Variants in NDEL1 observed in about 807,000 individuals in gnomAD.
The protein encoded by NDEL1 is nuclear distribution protein nudE-like 1.
NDEL1 carries 9 observed loss-of-function variants against 45.7 expected under a neutral mutation model. The ratio of observed to expected loss-of-function variants is 0.20; its 90% CI spans 0.12 to 0.34. The LOEUF is 0.34. Among genes scored for constraint, NDEL1 ranks in the 10% least tolerant of loss-of-function variants. NDEL1 has a pLI of 1.00. For synonymous variants in NDEL1, 133 were observed against 158.6 expected (o/e 0.84, Z 1.21); for missense variants, 306 against 406.2 (o/e 0.75, Z 2.12).
chr17:8,415,687 C>T (rs765668048), intron 1 of NDEL1, among the ~76,000 whole-genome samples: 10 of 151,962 alleles, frequency 6.6e-5, no homozygotes, highest in African/African-American at 1.7e-4. Context: ...GGTCTCCCAG[C>T]GCTGGGATTA....
intron 5 of NDEL1, among the ~76,000 whole-genome samples, chr17:8,449,084 A>G (rs1567734160): frequency 6.6e-6 from 1 of 152,140 alleles, no homozygotes; most frequent in African/African-American, 2.4e-5. Context: ...CTGGGTTCAA[A>G]CAATTCTCCT....
Position 8,446,807 on chromosome 17 carries a change from A to G in NDEL1, c.294A>G (p.Glu98=), listed in dbSNP as rs571525957. Residue 98 remains glutamate, a synonymous_variant, in exon 4 of 9, where the codon GAA becomes GAG. Transcript: ENST00000334527. ...GCTATAAGCAGGTCTCAGTGTTAGA[A>G]GATGATTTAAGTCAGACTCGGGCCA... ...AQSYKQVSVL[E]DDLSQTRAIK... The G allele has an allele frequency of 5.6e-6, 9 of 1,614,206 alleles. No individual in the cohort carries two copies. In the Middle Eastern group the frequency reaches 6.6e-4, roughly 118 times the overall value.
intron 1 of NDEL1, among the ~76,000 whole-genome samples, chr17:8,441,376 C>T (rs1032345999): frequency 1.3e-5 from 2 of 152,140 alleles, no homozygotes; most frequent in African/African-American, 2.4e-5. Flanking sequence ...CAATTTTGTT[C>T]GCCAAATCCT....
In NDEL1 at chr17:8,428,957, G is replaced by C. The variant is rs113453952; in HGVS notation, c.-12-15303G>C. Reference sequence around the variant, plus strand: ...CAAAGTGCTGGGATTACAGGCATGAGCCACCGCGCCCGGCCTATTTTTAAG... The same window carrying C: ...CAAAGTGCTGGGATTACAGGCATGACCCACCGCGCCCGGCCTATTTTTAAG... On this transcript the variant is annotated intron_variant, in intron 1 of 4. Coordinates refer to the NDEL1 transcript ENST00000582812. Among the ~76,000 whole-genome samples, 353 of 152,342 alleles carry C rather than the reference G, an allele frequency of 2.3e-3. 1 individual carries two copies. Among genetic ancestry groups the C allele is most frequent in the African/African-American group, 7.9e-3 (329 of 41,570 alleles).
At chr17:8,419,989 G>C (rs766250087) in intron 1 of NDEL1, among the ~76,000 whole-genome samples, 1 of 152,178 alleles carries the variant, frequency 6.6e-6, no homozygotes, top group Non-Finnish European at 1.5e-5. Flanking sequence ...ACACAGACTG[G>C]TCTAAGAGCT....
At chr17:8,432,361 TA>T (rs376259955), upstream of NDEL1, among the ~76,000 whole-genome samples, 3 of 109,478 alleles carry the variant, frequency 2.7e-5, no homozygotes, top group African/African-American at 4.0e-5. Flanking sequence ...TAAATATAAA[TA>T]TATATATATT....
intron 1 of NDEL1, among the ~76,000 whole-genome samples, chr17:8,413,568 T>A (rs183481469): frequency 1.2e-3 from 182 of 152,306 alleles, no homozygotes; most frequent in African/African-American, 4.0e-3. Flanking sequence ...CCACATAGCA[T>A]TTTTCTGGGT....
intron 3 of NDEL1, 87 bp downstream of exon 3, chr17:8,445,951 G>A (rs1208136761): frequency 5.6e-6 from 7 of 1,257,536 alleles, no homozygotes; most frequent in Non-Finnish European, 6.2e-6. Context: ...AGAGCAGCTG[G>A]CGACAAAAAA....
intron 1 of NDEL1, among the ~76,000 whole-genome samples, chr17:8,416,982 C>T (rs1044375184): frequency 5.3e-5 from 8 of 152,072 alleles, no homozygotes; most frequent in Admixed American, 2.0e-4. Flanking sequence ...TTTTTTGAAG[C>T]CCCGTGTTCT....
chr17:8,457,480 C>T (rs1910918572), intron 7 of NDEL1, among the ~76,000 whole-genome samples: 1 of 152,218 alleles, frequency 6.6e-6, no homozygotes, highest in Admixed American at 6.5e-5. Context: ...ATAACGACCT[C>T]CAAAAGTCAT....
At chr17:8,435,780 T>C, upstream of NDEL1, 3 of 356,938 alleles carry the variant, frequency 8.4e-6, no homozygotes, top group Admixed American at 3.3e-5. Context: ...GCCCGCCCCC[T>C]GTGACACCAG....
At chr17:8,429,129 A>T (rs1452424068) in intron 1 of NDEL1, among the ~76,000 whole-genome samples, 1 of 152,240 alleles carries the variant, frequency 6.6e-6, no homozygotes, top group Non-Finnish European at 1.5e-5. Flanking sequence ...GTTCCTTTGT[A>T]ACCTATATCA....
chr17:8,452,892 A>G (rs1676623433), intron 6 of NDEL1, among the ~76,000 whole-genome samples: 1 of 151,366 alleles, frequency 6.6e-6, no homozygotes, highest in Non-Finnish European at 1.5e-5. Context: ...GGTGTGTGCC[A>G]CCACACCCAG....
At position 8,466,917 on chromosome 17, in the gene NDEL1, G is replaced by A. The variant is rs749048972; in HGVS notation, c.945-13G>A. Reference sequence around the variant, plus strand: ...CCCCTTTCTTCCCTTCTGTGCTCTGGTTGCTCCCACAGGGCAGTAAACGGC... The same window carrying A: ...CCCCTTTCTTCCCTTCTGTGCTCTGATTGCTCCCACAGGGCAGTAAACGGC... On this transcript the variant is annotated splice_polypyrimidine_tract_variant and intron_variant, in intron 8 of 8. Coordinates refer to ENST00000334527, the MANE Select transcript of NDEL1 (RefSeq NM_030808.5). The A allele has an allele frequency of 6.2e-7, 1 of 1,613,368 alleles. No individual in the cohort carries two copies. The highest frequency in any genetic ancestry group is 8.5e-7 in the Non-Finnish European group (1 of 1,179,324).
Position 8,448,566 on chromosome 17 carries a change from C to T in NDEL1, c.406C>T (p.Leu136=), listed in dbSNP as rs763573744. ...ERAKRATIVS[L]EDFEQRLNQA... The stretch of plus-strand genomic sequence containing the variant: ...TCTTTTTAGGGCAACAATAGTTTCA[C>T]TGGAAGACTTTGAACAAAGGCTAAA... The change falls in exon 5 of 9, where the codon CTG becomes TTG. Residue 136 remains leucine, a synonymous_variant. Coordinates refer to ENST00000334527, the MANE Select transcript of NDEL1 (RefSeq NM_030808.5). The T allele has an allele frequency of 9.3e-6, 15 of 1,613,190 alleles. No individual in the cohort carries two copies. The East Asian group carries it at 3.1e-4, about 34-fold the overall frequency.
intron 1 of NDEL1, among the ~76,000 whole-genome samples, chr17:8,430,268 G>A (rs1908966099): frequency 1.3e-5 from 2 of 152,214 alleles, no homozygotes. Flanking sequence ...CCCTTGCCCA[G>A]CTAGATCTAT....
chr17:8,427,240 CA>C (rs1174227323), intron 1 of NDEL1, among the ~76,000 whole-genome samples: 4 of 152,160 alleles, frequency 2.6e-5, no homozygotes, highest in Non-Finnish European at 5.9e-5. Flanking sequence ...CTGTTTGCTC[CA>C]GAAGCTAATG....
At chr17:8,426,841 T>C (rs1042788234) in intron 1 of NDEL1, among the ~76,000 whole-genome samples, 6 of 152,194 alleles carry the variant, frequency 3.9e-5, no homozygotes, top group African/African-American at 1.4e-4. Flanking sequence ...ACCCCCCAGA[T>C]AAGGATGAGG....
chr17:8,423,822 C>T (rs1189178464), intron 1 of NDEL1, among the ~76,000 whole-genome samples: 2 of 152,146 alleles, frequency 1.3e-5, no homozygotes, highest in Admixed American at 1.3e-4. Flanking sequence ...GGAGCCCTTC[C>T]TTTGAGGCTT....
Sources: allele counts gnomAD v4.1 joint callset (sites outside exome capture counted in the v4.1 genomes callset), GRCh38; gene constraint gnomAD v4.1.1; transcripts MANE v1.5; gene names NCBI Gene and HGNC (gene_info 2026-07-23, HGNC 2026-07-21).